The following TEX36 variants were observed in gnomAD, a reference collection of about 807,000 sequenced individuals.
The protein encoded by TEX36 is testis-expressed protein 36.
In TEX36, 12 loss-of-function variants were observed where a neutral mutation model predicts 13.6. The ratio of observed to expected loss-of-function variants is 0.88; its 90% CI spans 0.56 to 1.43. The LOEUF is 1.43. Ranked by LOEUF, TEX36 falls within the 40% of genes most tolerant of loss-of-function variation. TEX36 has a pLI of 0.00. For synonymous variants in TEX36, 93 were observed against 83.0 expected (o/e 1.12, Z -0.65); for missense variants, 224 against 228.3 (o/e 0.98, Z 0.12).
At chr10:125,606,636 A>G (rs1393835891) in intron 3 of TEX36, among the ~76,000 whole-genome samples, 2 of 152,230 alleles carry the variant, frequency 1.3e-5, no homozygotes, top group Non-Finnish European at 2.9e-5. Flanking sequence ...GACAAACTCT[A>G]CAGGATATGA....
intron 3 of TEX36, among the ~76,000 whole-genome samples, chr10:125,622,676 C>T (rs1256604564): frequency 6.6e-6 from 1 of 152,208 alleles, no homozygotes; most frequent in East Asian, 1.9e-4. Context: ...AGCCATTGAC[C>T]TTAATCCCAG....
intron 2 of TEX36, 41 bp downstream of exon 2, chr10:125,661,805 T>A: frequency 6.5e-7 from 1 of 1,548,422 alleles, no homozygotes; most frequent in South Asian, 1.2e-5. Flanking sequence ...CCCTGGGAGG[T>A]CCACAGGAGC....
At chr10:125,662,491 T>C (rs994946625) in intron 1 of TEX36, among the ~76,000 whole-genome samples, 1 of 151,800 alleles carries the variant, frequency 6.6e-6, no homozygotes, top group African/African-American at 2.4e-5. Flanking sequence ...AGGTAACGTC[T>C]AGGAGGGAAA....
At chr10:125,595,421 C>T (rs79097294) in intron 3 of TEX36, among the ~76,000 whole-genome samples, 3,511 of 152,296 alleles carry the variant, frequency 0.023, 73 homozygotes, top group African/African-American at 0.054. Context: ...TCACAGCATC[C>T]GCCTAGCTAA....
At chr10:125,609,006 G>T (rs1031229685) in intron 3 of TEX36, among the ~76,000 whole-genome samples, 3 of 103,786 alleles carry the variant, frequency 2.9e-5, no homozygotes, top group African/African-American at 2.0e-4. Context: ...GAAAAGAAAA[G>T]AAAAAAAGGA....
intron 3 of TEX36, among the ~76,000 whole-genome samples, chr10:125,594,104 A>G (rs1846052862): frequency 6.6e-6 from 1 of 152,184 alleles, no homozygotes; most frequent in Non-Finnish European, 1.5e-5. Context: ...AAGACGTAGA[A>G]GGACCCAGCT....
At chr10:125,595,887 C>T (rs1198420135) in intron 3 of TEX36, among the ~76,000 whole-genome samples, 2 of 152,190 alleles carry the variant, frequency 1.3e-5, no homozygotes, top group Admixed American at 1.3e-4. Context: ...GGGATTTTTT[C>T]TATTTTATTC....
At chr10:125,674,876 G>C (rs1277874018) in intron 1 of TEX36, among the ~76,000 whole-genome samples, 1 of 152,240 alleles carries the variant, frequency 6.6e-6, no homozygotes, top group African/African-American at 2.4e-5. Context: ...TGACTGAGGG[G>C]TCTCACCCAG....
intron 3 of TEX36, among the ~76,000 whole-genome samples, chr10:125,623,197 G>A (rs1351884357): frequency 6.6e-6 from 1 of 152,166 alleles, no homozygotes; most frequent in East Asian, 1.9e-4. Flanking sequence ...CCATTCCACT[G>A]TTCTATCAAT....
intron 3 of TEX36, among the ~76,000 whole-genome samples, chr10:125,659,993 T>A (rs957545678): frequency 1.3e-5 from 2 of 152,212 alleles, no homozygotes; most frequent in African/African-American, 2.4e-5. Flanking sequence ...TACGTTGAGA[T>A]GTTACATAAG....
In TEX36 at chr10:125,656,093, G is replaced by A; in HGVS notation, c.368C>T (p.Ser123Leu). Residue 123 changes from serine (S) to leucine (L), a missense_variant, in exon 4 of 4, where the codon TCA (serine) becomes TTA (leucine). Physicochemically the swap from Ser to Leu is moderately radical, Grantham distance 145. Coordinates refer to ENST00000368821, the MANE Select transcript of TEX36 (RefSeq NM_001128202.3). ...ATATACGTATGATATTTGGTTATTT[G>A]AAAAGCCATCAAGACAAGATGGAAC... ...DYVPSCLDGF[S>L]NNQISYVYKE... The A allele has an allele frequency of 5.2e-6, 8 of 1,551,308 alleles. No homozygotes were observed. The highest frequency in any genetic ancestry group is 7.0e-6 in the Non-Finnish European group (8 of 1,146,986).
intron 2 of TEX36, 51 bp from the exon 3 acceptor site, chr10:125,661,152 T>C: frequency 7.0e-7 from 1 of 1,423,488 alleles, no homozygotes; most frequent in Non-Finnish European, 9.7e-7. Flanking sequence ...CCCTGCATGC[T>C]TTCAGAACTG....
chr10:125,666,937 G>A (rs772707742), intron 1 of TEX36: 2 of 655,904 alleles, frequency 3.0e-6, no homozygotes, highest in South Asian at 3.7e-5. Context: ...TCACTGCTTG[G>A]GGTGTACTTT....
chr10:125,612,433 G>A (rs1270398721), intron 3 of TEX36, among the ~76,000 whole-genome samples: 1 of 152,006 alleles, frequency 6.6e-6, no homozygotes, highest in African/African-American at 2.4e-5. Context: ...TACCACTCAG[G>A]GAAACTGAGG....
intron 3 of TEX36, among the ~76,000 whole-genome samples, chr10:125,577,525 T>C (rs1294308073): frequency 6.6e-6 from 1 of 152,124 alleles, no homozygotes; most frequent in Non-Finnish European, 1.5e-5. Context: ...ACAAAAAAAT[T>C]GAATATAAGT....
Position 125,584,538 on chromosome 10 carries a change from G to A in TEX36, c.265-7664C>T, listed in dbSNP as rs1220805127. ...TTCTACCTCCAGTTCATCTGTTGAC[G>A]CCCTTACCACCAAGGTGACTGTATT... On this transcript the variant is annotated intron_variant, in intron 3 of 3. Transcript: ENST00000532135. Among the ~76,000 whole-genome samples the A allele has an allele frequency of 4.6e-5, 7 of 152,086 alleles. No individual in the cohort carries two copies. The East Asian group carries it at 5.8e-4, about 13-fold the overall frequency.
chr10:125,583,524 G>A (rs1845908846), intron 3 of TEX36, among the ~76,000 whole-genome samples: 1 of 152,126 alleles, frequency 6.6e-6, no homozygotes, highest in African/African-American at 2.4e-5. Flanking sequence ...TCATTCATGA[G>A]GGCAAAGTCT....
intron 3 of TEX36, among the ~76,000 whole-genome samples, chr10:125,645,142 C>T (rs1210054199): frequency 6.6e-6 from 1 of 152,228 alleles, no homozygotes; most frequent in East Asian, 1.9e-4. Flanking sequence ...TGCACCCAGA[C>T]TTCTGGCCTG....
intron 3 of TEX36, among the ~76,000 whole-genome samples, chr10:125,629,376 T>G (rs908759007): frequency 4.6e-5 from 7 of 152,356 alleles, no homozygotes; most frequent in African/African-American, 1.4e-4. Context: ...CCCAACGAAT[T>G]ACTTCATTTT....
Sources: allele counts gnomAD v4.1 joint callset (sites outside exome capture counted in the v4.1 genomes callset), GRCh38; gene constraint gnomAD v4.1.1; transcripts MANE v1.5; gene names NCBI Gene and HGNC (gene_info 2026-07-23, HGNC 2026-07-21).